Variants in SVEP1 observed in about 807,000 individuals in gnomAD.
SVEP1 encodes the protein sushi, von Willebrand factor type A, EGF and pentraxin domain containing 1, also known as sushi, von Willebrand factor type A, EGF and pentraxin domain-containing protein 1.
A neutral mutation model predicts 367.3 loss-of-function variants in SVEP1; 164 were observed. The observed-to-expected ratio is 0.45, with a 90% CI of 0.39 to 0.51. The LOEUF (loss-of-function observed/expected upper bound fraction) is 0.51. Ranked by LOEUF, SVEP1 falls within the 20% of genes least tolerant of loss-of-function variation. SVEP1 has a pLI of 0.00. For synonymous variants in SVEP1, 1,666 were observed against 1,611.6 expected, an observed-to-expected ratio of 1.03 and a Z score of -0.81; for missense variants, 4,117 against 4,425.3, an observed-to-expected ratio of 0.93 and a Z score of 1.98.
chr9:110,380,527 T>C (rs1006142448), intron 43 of SVEP1, among the ~76,000 whole-genome samples: 1 of 152,208 alleles, frequency 6.6e-6, no homozygotes, highest in Non-Finnish European at 1.5e-5. Flanking sequence ...CAGCCTTGCA[T>C]CCAGGGGAAG....
intron 36 of SVEP1, among the ~76,000 whole-genome samples, chr9:110,423,328 G>A (rs866991538): frequency 1.5e-4 from 23 of 151,986 alleles, no homozygotes; most frequent in South Asian, 4.1e-4. Flanking sequence ...ACATCTTCAG[G>A]AAGTAGAAAC....
chr9:110,430,243 A>T, intron 33 of SVEP1, 31 bp downstream of exon 33: 1 of 1,590,318 alleles, frequency 6.3e-7, no homozygotes, highest in Non-Finnish European at 8.6e-7. Context: ...ATTGCCAAAC[A>T]TAAGAAACGT....
At chr9:110,435,917 T>C (rs1172799316) in intron 28 of SVEP1, among the ~76,000 whole-genome samples, 2 of 152,138 alleles carry the variant, frequency 1.3e-5, no homozygotes, top group Admixed American at 1.3e-4. Flanking sequence ...TTCAAAATCA[T>C]CACAGTGAGT....
chr9:110,454,843 A>C (rs7035805), intron 22 of SVEP1, among the ~76,000 whole-genome samples: 76,579 of 151,868 alleles, frequency 0.5, 19,422 homozygotes, highest in African/African-American at 0.54. Flanking sequence ...GCAAAACTAC[A>C]TATTAGGTAC....
At chr9:110,436,848 T>C (rs1179554414) in intron 27 of SVEP1, among the ~76,000 whole-genome samples, 1 of 152,240 alleles carries the variant, frequency 6.6e-6, no homozygotes. Context: ...GTGACTGCTC[T>C]TTATCTTTCT....
Position 110,429,267 on chromosome 9 carries a change from G to C in SVEP1, c.5683C>G (p.His1895Asp). The change falls in exon 35 of 48, where the codon CAT becomes GAT. Residue 1895 changes from histidine to aspartate, a missense_variant. Around this residue, in one of 4 missense-constraint regions of SVEP1, gnomAD observed 2,174 missense variants for 2,494.3 expected, o/e 0.87. Transcript: ENST00000374469. ...SSCLANSSWSHSPPVCEPVKC... is the reference protein window; with the variant it reads ...SSCLANSSWSDSPPVCEPVKC... Reference sequence around the variant, plus strand: ...ACTGGTTCACACACAGGAGGGGAATGACTCCAAGAACTGTTAGCAAGACAG... The same window carrying C: ...ACTGGTTCACACACAGGAGGGGAATCACTCCAAGAACTGTTAGCAAGACAG... 6.3e-7 allele frequency: 1 copy of C among 1,596,860 alleles called. No homozygotes were observed.
chr9:110,387,592 T>C, intron 41 of SVEP1, 134 bp from the exon 42 acceptor site: 1 of 1,000,772 alleles, frequency 1.0e-6, no homozygotes, highest in Non-Finnish European at 1.4e-6. Flanking sequence ...CACAGTGATA[T>C]TCATTGAAGG....
At chr9:110,463,434 A>T (rs1015965211) in intron 18 of SVEP1, among the ~76,000 whole-genome samples, 1 of 152,112 alleles carries the variant, frequency 6.6e-6, no homozygotes, top group African/African-American at 2.4e-5. Flanking sequence ...CTTGAATAAT[A>T]ATATTTTAAG....
At chr9:110,425,367 A>G (rs1023300434) in intron 36 of SVEP1, among the ~76,000 whole-genome samples, 25 of 152,312 alleles carry the variant, frequency 1.6e-4, no homozygotes, top group Middle Eastern at 3.4e-3. Context: ...ACACTTTTAT[A>G]AAAATGGTCT....
Position 110,408,711 on chromosome 9 carries a change from C to T in SVEP1, c.6889G>A (p.Val2297Ile), listed in dbSNP as rs1827994742. 6.2e-7 allele frequency: 1 copy of T among 1,613,984 alleles called. No homozygotes were observed. The highest frequency in any genetic ancestry group is 8.5e-7 in the Non-Finnish European group (1 of 1,179,892). ...TGACATGTCCAAGAACTGTCACCAA[C>T]AAGCTCATAACCCTCATTACAGAAA... ...QFFCNEGYEL[V>I]GDSSWTCQKS... is the part of the protein sequence containing the mutation. Residue 2297 changes from valine to isoleucine, a missense_variant, in exon 38 of 48, where the codon GTT becomes ATT. Physicochemically the swap from Val to Ile is conservative, Grantham distance 29. Transcript: ENST00000374469.
chr9:110,514,513 CAA>C (rs71978747), intron 3 of SVEP1, among the ~76,000 whole-genome samples: 254 of 109,400 alleles, frequency 2.3e-3, no homozygotes, highest in African/African-American at 5.3e-3. Context: ...AACTCCATCT[CAA>C]AAAAAAAAAA....
intron 40 of SVEP1, among the ~76,000 whole-genome samples, chr9:110,390,353 A>ATATATATACT (rs370913805): frequency 0.021 from 1,103 of 51,304 alleles, 207 homozygotes; most frequent in Middle Eastern, 0.11. Flanking sequence ...ATATACACTT[A>ATATATATACT]TATATATATA....
intron 46 of SVEP1, among the ~76,000 whole-genome samples, chr9:110,372,294 A>G (rs1343479867): frequency 6.6e-6 from 1 of 152,198 alleles, no homozygotes; most frequent in Non-Finnish European, 1.5e-5. Flanking sequence ...CCTCTATCTT[A>G]ACACGTCCTA....
chr9:110,518,862 T>C (rs985706815), intron 3 of SVEP1, among the ~76,000 whole-genome samples: 2 of 152,160 alleles, frequency 1.3e-5, no homozygotes, highest in Non-Finnish European at 2.9e-5. Flanking sequence ...ACCTGAACAA[T>C]TTTCAAAACT....
At chr9:110,473,524 T>C (rs923473897) in intron 14 of SVEP1, among the ~76,000 whole-genome samples, 1 of 152,208 alleles carries the variant, frequency 6.6e-6, no homozygotes, top group East Asian at 1.9e-4. Context: ...GCTATGTATG[T>C]ATTATTTAGT....
At position 110,483,587 on chromosome 9, in the gene SVEP1, T is replaced by C; in HGVS notation, c.2037A>G (p.Ser679=). ...ACAACAAAGTCCTTGTCACCTCACC[T>C]GAGTTGTCTGAGAACTGAGGCTCAT... The part of the protein sequence containing the change: ...SWDEPQFSDN[S]GAELVITRSH... The change falls in exon 10 of 48, where the codon TCA becomes TCG. Residue 679 remains serine (S), a splice_region_variant and synonymous_variant. Coordinates refer to ENST00000374469, the MANE Select transcript of SVEP1 (RefSeq NM_153366.4). The C allele has an allele frequency of 1.2e-6, 2 of 1,607,618 alleles. No individual in the cohort carries two copies. The highest frequency in any genetic ancestry group is 1.7e-6 in the Non-Finnish European group (2 of 1,177,476).
chr9:110,533,458 T>C (rs77858889), intron 3 of SVEP1, among the ~76,000 whole-genome samples: 5,888 of 152,240 alleles, frequency 0.039, 168 homozygotes, highest in African/African-American at 0.081. Flanking sequence ...TATCAATAAC[T>C]ATACATGATA....
At chr9:110,500,652 G>A (rs1288714324) in intron 6 of SVEP1, among the ~76,000 whole-genome samples, 3 of 152,016 alleles carry the variant, frequency 2.0e-5, no homozygotes, top group Non-Finnish European at 4.4e-5. Context: ...AAACATACAG[G>A]AAACTTTATT....
intron 40 of SVEP1, among the ~76,000 whole-genome samples, chr9:110,400,122 C>G (rs2118992573): frequency 6.6e-6 from 1 of 152,270 alleles, no homozygotes; most frequent in South Asian, 2.1e-4. Context: ...CTTATGGGAA[C>G]TTGGCATCTC....
Sources: allele counts gnomAD v4.1 joint callset (sites outside exome capture counted in the v4.1 genomes callset), GRCh38; gene constraint gnomAD v4.1.1; regional missense constraint gnomAD v4.1.1; transcripts MANE v1.5; gene names NCBI Gene and HGNC (gene_info 2026-07-23, HGNC 2026-07-21).